The following ZNF679 variants were observed in gnomAD, a reference collection of about 807,000 sequenced individuals.
ZNF679 encodes the protein zinc finger protein 679, also known as hypothetical protein MGC42415.
A neutral mutation model predicts 13.4 loss-of-function variants in ZNF679; 10 were observed. The ratio of observed to expected loss-of-function variants is 0.75; its 90% CI spans 0.46 to 1.27. The LOEUF (loss-of-function observed/expected upper bound fraction) is 1.27. Among genes scored for constraint, ZNF679 ranks in the 50% most tolerant of loss-of-function variants. The pLI, the probability that ZNF679 is intolerant of heterozygous loss-of-function variation, is 0.00. For synonymous variants in ZNF679, 179 were observed against 162.5 expected (o/e 1.10, Z -0.77); for missense variants, 525 against 477.8 (o/e 1.10, Z -0.92).
chr7:64,231,424 T>A (rs1787637655), intron 1 of ZNF679, among the ~76,000 whole-genome samples: 3 of 152,206 alleles, frequency 2.0e-5, no homozygotes, highest in African/African-American at 7.2e-5. Context: ...TATGAACAAT[T>A]TCTTCTGTAG....
chr7:64,231,182 T>C (rs1196799807), intron 1 of ZNF679, among the ~76,000 whole-genome samples: 1 of 152,232 alleles, frequency 6.6e-6, no homozygotes, highest in East Asian at 1.9e-4. Context: ...GATTGCCTAT[T>C]ACCATAAGAC....
rs755683143 is a variant in ZNF679 at position 64,266,053 on chromosome 7, T to C, written c.420T>C (p.Gly140=). The C allele has an allele frequency of 1.4e-5, 23 of 1,612,780 alleles. No homozygotes were observed. The highest frequency in any genetic ancestry group is 1.9e-5 in the Non-Finnish European group (22 of 1,179,574). Residue 140 remains glycine (G), a synonymous_variant, in exon 5 of 5, where the codon GGT becomes GGC. Coordinates refer to ENST00000421025, the MANE Select transcript of ZNF679 (RefSeq NM_153363.3). The part of the protein sequence containing the change: ...SMGECEVQKG[G]CNEVNQCLST... The stretch of plus-strand genomic sequence containing the variant: ...GTGAGTGTGAGGTGCAAAAAGGAGG[T>C]TGTAATGAAGTTAACCAATGTTTGT...
intron 2 of ZNF679, among the ~76,000 whole-genome samples, chr7:64,255,530 G>C (rs925149969): frequency 5.9e-5 from 9 of 152,212 alleles, no homozygotes; most frequent in Non-Finnish European, 1.2e-4. Context: ...GACTAAATCA[G>C]AGTATAGCCC....
chr7:64,246,328 T>G (rs1787869158), intron 1 of ZNF679, among the ~76,000 whole-genome samples: 1 of 152,224 alleles, frequency 6.6e-6, no homozygotes, highest in East Asian at 1.9e-4. Context: ...TCCTTTGGGT[T>G]GGGCGTTTCC....
chr7:64,261,669 ATAGT>A (rs1409859043), intron 4 of ZNF679, among the ~76,000 whole-genome samples: 4 of 152,046 alleles, frequency 2.6e-5, no homozygotes, highest in African/African-American at 7.2e-5. Context: ...TTACATCAAC[ATAGT>A]TGGTGTTTTT....
chr7:64,256,697 CT>C (rs35992074), intron 2 of ZNF679, among the ~76,000 whole-genome samples: 3,507 of 134,170 alleles, frequency 0.026, 43 homozygotes, highest in East Asian at 0.066. Flanking sequence ...TTTCGTTGAA[CT>C]TTTTTTTTTT....
chr7:64,256,641 A>G (rs761029871), intron 2 of ZNF679, among the ~76,000 whole-genome samples: 14 of 150,174 alleles, frequency 9.3e-5, no homozygotes, highest in Non-Finnish European at 1.6e-4. Flanking sequence ...TCATTAATCT[A>G]GTATTTTATC....
At chr7:64,252,835 A>C (rs1035892085) in intron 2 of ZNF679, among the ~76,000 whole-genome samples, 1 of 152,222 alleles carries the variant, frequency 6.6e-6, no homozygotes, top group Non-Finnish European at 1.5e-5. Flanking sequence ...CTCTTGCCTC[A>C]GCCTCCCAGG....
rs1562840051 is a variant in ZNF679 at position 64,236,871 on chromosome 7, GAA to G, written c.-91+8220_-91+8221del. Among the ~76,000 whole-genome samples the G allele has an allele frequency of 2.4e-5, 3 of 125,356 alleles. No homozygotes were observed. In the East Asian group the frequency reaches 7.2e-4, roughly 30 times the overall value. The allele number at this position is 125,356 out of a possible 152,430, so 82.2% of individuals were successfully genotyped here. A position where few individuals can be genotyped will look rare whatever the true frequency, so the allele number is the denominator to read the frequency against. ...GAAACAAAAGAAAGAAAAAAAGAAA[GAA>G]GAAAGAGAAAGAAAGAAAAAAAGAA... On this transcript the variant is annotated intron_variant, in intron 1 of 4. Coordinates refer to ENST00000421025, the MANE Select transcript of ZNF679 (RefSeq NM_153363.3).
chr7:64,264,117 A>G (rs1386169594), intron 4 of ZNF679, among the ~76,000 whole-genome samples: 4 of 152,174 alleles, frequency 2.6e-5, no homozygotes, highest in East Asian at 1.9e-4. Flanking sequence ...TTATTTTACC[A>G]TTATATAATA....
intron 1 of ZNF679, among the ~76,000 whole-genome samples, chr7:64,240,464 T>C (rs1403356274): frequency 6.6e-6 from 1 of 152,108 alleles, no homozygotes; most frequent in African/African-American, 2.4e-5. Context: ...ATAAAGGACA[T>C]AGTGTATTAT....
rs746367745 is a variant in ZNF679 at position 64,266,778 on chromosome 7, G to A, written c.1145G>A (p.Cys382Tyr). Residue 382 changes from cysteine to tyrosine, a missense_variant, in exon 5 of 5, where the codon TGT (cysteine) becomes TAT (tyrosine). By Grantham distance (194) the Cys-to-Tyr change is radical. Coordinates refer to ENST00000421025, the MANE Select transcript of ZNF679 (RefSeq NM_153363.3). ...RIHTGEEPYK[C>Y]EECDKAFKWS... ...CATACTGGAGAGGAACCCTACAAAT[G>A]TGAAGAATGTGACAAAGCTTTTAAG... 4 of 1,609,522 alleles carry A rather than the reference G, an allele frequency of 2.5e-6. No homozygotes were observed. Among genetic ancestry groups the A allele is most frequent in the Non-Finnish European group, 2.5e-6 (3 of 1,177,650 alleles).
intron 1 of ZNF679, among the ~76,000 whole-genome samples, chr7:64,239,816 A>G (rs1337731773): frequency 6.6e-6 from 1 of 152,104 alleles, no homozygotes; most frequent in African/African-American, 2.4e-5. Flanking sequence ...GGGGATTGTG[A>G]AATATTTCTT....
chr7:64,233,687 A>ATTCATT (rs1787672110), intron 1 of ZNF679, among the ~76,000 whole-genome samples: 1 of 152,072 alleles, frequency 6.6e-6, no homozygotes, highest in African/African-American at 2.4e-5. Flanking sequence ...GAATAAGGAA[A>ATTCATT]CCACCTTCAC....
At chr7:64,263,182 C>G (rs1051284379) in intron 4 of ZNF679, among the ~76,000 whole-genome samples, 6 of 152,166 alleles carry the variant, frequency 3.9e-5, no homozygotes, top group Non-Finnish European at 8.8e-5. Context: ...GCCTAAACCT[C>G]CTGGACTCAA....
At chr7:64,258,012 A>T (rs761152636) in intron 2 of ZNF679, among the ~76,000 whole-genome samples, 6 of 152,152 alleles carry the variant, frequency 3.9e-5, no homozygotes, top group Non-Finnish European at 7.3e-5. Context: ...CAACCTTTGC[A>T]TCAAAGGAAG....
intron 1 of ZNF679, among the ~76,000 whole-genome samples, chr7:64,243,571 G>A (rs543550478): frequency 6.6e-6 from 1 of 152,170 alleles, no homozygotes; most frequent in African/African-American, 2.4e-5. Flanking sequence ...ATATCTCACA[G>A]TAACCCCTGT....
intron 4 of ZNF679, among the ~76,000 whole-genome samples, chr7:64,263,575 C>T (rs905743311): frequency 5.9e-5 from 9 of 152,100 alleles, no homozygotes; most frequent in African/African-American, 2.2e-4. Context: ...GAGACAAATC[C>T]CTCATGAATG....
At chr7:64,234,514 G>A (rs1787682330) in intron 1 of ZNF679, among the ~76,000 whole-genome samples, 1 of 152,188 alleles carries the variant, frequency 6.6e-6, no homozygotes, top group Non-Finnish European at 1.5e-5. Context: ...AAGGGAACAA[G>A]GATCCCAGTC....
Sources: gnomAD v4.1 joint callset for allele counts (sites outside exome capture counted in the v4.1 genomes callset) on GRCh38, gnomAD v4.1.1 for gene constraint, MANE v1.5 for transcripts, NCBI Gene and HGNC (gene_info 2026-07-23, HGNC 2026-07-21) for gene names.